The following PRDM15 variants were observed in gnomAD, a reference collection of about 807,000 sequenced individuals.
The protein encoded by PRDM15 is PR domain zinc finger protein 15.
A neutral mutation model predicts 128.6 loss-of-function variants in PRDM15; 64 were observed. The ratio of observed to expected loss-of-function variants is 0.50; its 90% confidence interval spans 0.41 to 0.61. PRDM15 has a LOEUF of 0.61. Among genes scored for constraint, PRDM15 ranks in the 20% least tolerant of loss-of-function variants. PRDM15 has a pLI of 0.00. For missense variants in PRDM15, 1,242 were observed against 1,569.1 expected (o/e 0.79, Z 3.52); for synonymous variants, 615 against 621.8 (o/e 0.99, Z 0.16).
chr21:41,800,918 C>T lies in PRDM15; in HGVS notation c.*322G>A, dbSNP rs1334059994. ...TAAAATCCTGCTTCTCTCTCAGCTT[C>T]ACTTTCCCGAACCCTGTGTCGGGCG... is the stretch of plus-strand genomic sequence containing the variant. On this transcript the variant is annotated 3_prime_UTR_variant, in exon 24 of 24. Coordinates refer to ENST00000398548, the MANE Select transcript of PRDM15 (RefSeq NM_001040424.3). The T allele has an allele frequency of 9.9e-6, 3 of 302,950 alleles. 1 individual carries two copies. The East Asian group carries it at 1.7e-4, about 17-fold the overall frequency. 18.8% of individuals were successfully genotyped at this position (302,950 alleles called of 1,614,324 possible).
chr21:41,870,260 T>C (rs369541293), intron 1 of PRDM15, among the ~76,000 whole-genome samples: 2 of 152,182 alleles, frequency 1.3e-5, no homozygotes, highest in East Asian at 1.9e-4. Context: ...AGATACAATA[T>C]AAAAAAAGTA....
intron 11 of PRDM15, chr21:41,834,397 C>T (rs1352435128): frequency 2.0e-6 from 2 of 997,126 alleles, no homozygotes; most frequent in African/African-American, 3.2e-5. Flanking sequence ...CTGCAGGTGC[C>T]CTGTTCTCAA....
rs2061832529 is a variant in PRDM15, at chr21:41,810,567, G to C, written c.2476+186C>G. On this transcript the variant is annotated intron_variant, in intron 20 of 23. Transcript: ENST00000398548. This position sits in a 1 kb window ranked among gnomAD's most constrained non-coding sequence, Gnocchi z 6.4. ...AACCAATATGAGAAAATTCAAGAAG[G>C]GATACTTGAAAGCTGTGGCGGGTTG... is the stretch of plus-strand genomic sequence containing the variant. 1 of 642,902 alleles carries C rather than the reference G, an allele frequency of 1.6e-6. No individual in the cohort carries two copies. Among genetic ancestry groups the C allele is most frequent in the African/African-American group, 1.8e-5 (1 of 54,690 alleles). 39.8% of individuals were successfully genotyped at this position (642,902 alleles called of 1,614,324 possible).
rs946159593 is a variant in PRDM15, at chr21:41,868,464, A to C, written c.-9-8092T>G. ...GCACCTCCCACCAGAGACACAGGAG[A>C]GATCCAGTTTCTCGGCGGCCTCACC... On this transcript the variant is annotated intron_variant, in intron 1 of 23. Coordinates refer to ENST00000398548, the MANE Select transcript of PRDM15 (RefSeq NM_001040424.3). Among the ~76,000 whole-genome samples, 37 of 152,020 alleles carry C rather than the reference A, an allele frequency of 2.4e-4. No homozygotes were observed. In the East Asian group the frequency reaches 5.6e-3, roughly 23 times the overall value.
chr21:41,840,451 A>C (rs2063041679), intron 6 of PRDM15, among the ~76,000 whole-genome samples: 2 of 151,956 alleles, frequency 1.3e-5, no homozygotes, highest in African/African-American at 4.8e-5. Context: ...TCAAAAAAAA[A>C]AAAAAAAAAA....
chr21:41,824,045 G>A (rs1248050300), intron 13 of PRDM15, among the ~76,000 whole-genome samples: 1 of 152,232 alleles, frequency 6.6e-6, no homozygotes, highest in African/African-American at 2.4e-5. Flanking sequence ...AAGGCTGGAA[G>A]CTGAGACCAC....
At chr21:41,866,379 G>A (rs887019999) in intron 1 of PRDM15, among the ~76,000 whole-genome samples, 3 of 152,230 alleles carry the variant, frequency 2.0e-5, no homozygotes, top group African/African-American at 4.8e-5. Flanking sequence ...AGGTTCCAAT[G>A]CTACCACAAT....
At chr21:41,815,568 C>G in intron 19 of PRDM15, 137 bp downstream of exon 19, 1 of 1,198,892 alleles carries the variant, frequency 8.3e-7, no homozygotes, top group Non-Finnish European at 1.2e-6. Flanking sequence ...CCCCAGGAAG[C>G]TCTCTTGGGG....
intron 22 of PRDM15, among the ~76,000 whole-genome samples, chr21:41,803,783 C>T (rs2061482094): frequency 6.6e-6 from 1 of 152,052 alleles, no homozygotes; most frequent in African/African-American, 2.4e-5. Context: ...AGCGCTGTTT[C>T]AGAACGAGAG....
chr21:41,859,530 G>T lies in PRDM15; in HGVS notation c.131+62C>A. 2 of 1,370,440 alleles carry T rather than the reference G, an allele frequency of 1.5e-6. No homozygotes were observed. Among genetic ancestry groups the T allele is most frequent in the Admixed American group, 1.9e-5 (1 of 53,842 alleles). The allele number at this position is 1,370,440 out of a possible 1,614,324, so 84.9% of individuals were successfully genotyped here. On this transcript the variant is annotated intron_variant, in intron 3 of 23. Transcript: ENST00000398548. This position sits in a 1 kb window ranked among gnomAD's most constrained non-coding sequence, Gnocchi z 5.3. ...TTCCTCCCCGTCTGCAGACCCAAAG[G>T]CCACTAGGCTCCTGCCGCAGCTGGC...
rs1445592165 is a variant in PRDM15 at position 41,800,179 on chromosome 21, C to G, written c.*1061G>C. 2 of 152,230 alleles carry G rather than the reference C, an allele frequency of 1.3e-5. No homozygotes were observed. Among genetic ancestry groups the G allele is most frequent in the Non-Finnish European group, 2.9e-5 (2 of 68,050 alleles). The allele number at this position is 152,230 out of a possible 1,614,324, so 9.4% of individuals were successfully genotyped here. On this transcript the variant is annotated 3_prime_UTR_variant, in exon 24 of 24. Coordinates refer to ENST00000398548, the MANE Select transcript of PRDM15 (RefSeq NM_001040424.3). ...TATAGAAAACTGGTCATGAAATACA[C>G]CAACCTTTGGAATTGAAGTTTAAAC...
chr21:41,803,369 G>A lies in PRDM15; in HGVS notation c.2734-448C>T, dbSNP rs148012217. Reference sequence around the variant, plus strand: ...CAGATTTGACCACAAAACCTGCAGGGACAGGGAACGAGGGCCCAGCTGCAG... The same window carrying A: ...CAGATTTGACCACAAAACCTGCAGGAACAGGGAACGAGGGCCCAGCTGCAG... On this transcript the variant is annotated intron_variant, in intron 22 of 23. Transcript: ENST00000398548. Among the ~76,000 whole-genome samples, 10 of 152,320 alleles carry A rather than the reference G, an allele frequency of 6.6e-5. No homozygotes were observed. The East Asian group carries it at 1.7e-3, about 26-fold the overall frequency.
At position 41,819,569 on chromosome 21, in the gene PRDM15, C is replaced by T; in HGVS notation, c.2260+13G>A. On this transcript the variant is annotated intron_variant, in intron 18 of 23. Transcript: ENST00000398548. The stretch of plus-strand genomic sequence containing the variant: ...GGCTGAGCCTGGCCCATGTCCCCAG[C>T]ACCCGTACCCACCTTTCCCACACTC... 6.2e-7 allele frequency: 1 copy of T among 1,610,806 alleles called. No homozygotes were observed. Among genetic ancestry groups the T allele is most frequent in the Non-Finnish European group, 8.5e-7 (1 of 1,179,110 alleles).
chr21:41,852,402 C>T (rs2063457508), intron 5 of PRDM15, among the ~76,000 whole-genome samples: 1 of 152,242 alleles, frequency 6.6e-6, no homozygotes. Flanking sequence ...TACTTGGGCT[C>T]TGCTCAGAGA....
At chr21:41,861,923 A>G in intron 1 of PRDM15, 1 of 1,613,298 alleles carries the variant, frequency 6.2e-7, no homozygotes. Context: ...CTGGGAACAC[A>G]CATTCACGTT....
rs749429121 is a variant in PRDM15, at chr21:41,878,813, C to A, written c.-10+457G>T. ...TCCCCTGGGGCCTCGGCGACGACGC[C>A]GCCCGGCGGCGGGGGCCGCGGGGCC... On this transcript the variant is annotated intron_variant, in intron 1 of 23. Transcript: ENST00000398548. 1.4e-4 allele frequency: 163 copies of A among 1,173,740 alleles called. No individual in the cohort carries two copies. The highest frequency in any genetic ancestry group is 1.6e-4 in the Non-Finnish European group (153 of 950,196). 72.7% of individuals were successfully genotyped at this position (1,173,740 alleles called of 1,614,324 possible).
At chr21:41,873,864 G>A (rs1034104213) in intron 1 of PRDM15, among the ~76,000 whole-genome samples, 2 of 152,094 alleles carry the variant, frequency 1.3e-5, no homozygotes, top group Non-Finnish European at 2.9e-5. Flanking sequence ...TGAGTAACAC[G>A]GAGAAACCCC....
At chr21:41,836,352 T>C in intron 9 of PRDM15, 116 bp downstream of exon 9, 1 of 1,305,878 alleles carries the variant, frequency 7.7e-7, no homozygotes, top group Non-Finnish European at 1.1e-6. Context: ...ATGCAGCCTC[T>C]CACTGGCGCA....
intron 1 of PRDM15, among the ~76,000 whole-genome samples, chr21:41,873,943 G>T (rs2064304315): frequency 6.6e-6 from 1 of 152,060 alleles, no homozygotes; most frequent in South Asian, 2.1e-4. Flanking sequence ...CTACTCGGGA[G>T]GCTGAGGTGG....
Sources: gnomAD v4.1 joint callset for allele counts (sites outside exome capture counted in the v4.1 genomes callset) on GRCh38, gnomAD v4.1.1 for gene constraint, Gnocchi (gnomAD v3.1) non-coding constraint, MANE v1.5 for transcripts, NCBI Gene and HGNC (gene_info 2026-07-23, HGNC 2026-07-21) for gene names.